Variants in CDADC1 observed in about 807,000 individuals in gnomAD.
CDADC1 encodes cytidine and dCMP deaminase domain containing 1, also known as dCTP deaminase.
A neutral mutation model predicts 54.9 loss-of-function variants in CDADC1; 39 were observed. The ratio of observed to expected loss-of-function variants is 0.71; its 90% confidence interval spans 0.55 to 0.93. CDADC1 has a LOEUF of 0.93. CDADC1 is among the 40% of genes least tolerant of loss of function. The probability of loss-of-function intolerance (pLI) is 0.00; values close to 1 mark genes in which losing one functional copy is unlikely to be tolerated. For missense variants in CDADC1, 518 were observed against 618.8 expected, an observed-to-expected ratio of 0.84 and a Z score of 1.73; for synonymous variants, 186 against 204.0, an observed-to-expected ratio of 0.91 and a Z score of 0.75.
intron 4 of CDADC1, among the ~76,000 whole-genome samples, chr13:49,264,967 C>A (rs1384676057): frequency 6.6e-6 from 1 of 152,144 alleles, no homozygotes; most frequent in African/African-American, 2.4e-5. Context: ...CAGTTACTGG[C>A]AGAACTGGTA....
In CDADC1 at chr13:49,291,602, C is replaced by T. The variant is rs976891646; in HGVS notation, c.1472-82C>T. 4 of 1,305,640 alleles carry T rather than the reference C, an allele frequency of 3.1e-6. No homozygotes were observed. The African/African-American group carries it at 4.5e-5, about 15-fold the overall frequency. 80.9% of individuals were successfully genotyped at this position (1,305,640 alleles called of 1,614,324 possible). ...TTCCTTTAACTTAAGCATTGTTTTG[C>T]TCTTACAACATGTAAGGCTGAAACA... On this transcript the variant is annotated intron_variant, in intron 9 of 9. Transcript: ENST00000251108.
intron 3 of CDADC1, among the ~76,000 whole-genome samples, chr13:49,257,992 T>C (rs545234118): frequency 2.0e-5 from 3 of 152,372 alleles, no homozygotes; most frequent in Admixed American, 6.5e-5. Context: ...GTTTTTCATA[T>C]TTTATATACA....
intron 2 of CDADC1, among the ~76,000 whole-genome samples, chr13:49,251,033 T>G (rs1338368843): frequency 6.6e-6 from 1 of 152,184 alleles, no homozygotes; most frequent in African/African-American, 2.4e-5. Context: ...TTATGTAGTG[T>G]TGTGTTTTTT....
At chr13:49,252,338 C>T (rs1952454650) in intron 2 of CDADC1, among the ~76,000 whole-genome samples, 1 of 152,192 alleles carries the variant, frequency 6.6e-6, no homozygotes, top group Non-Finnish European at 1.5e-5. Flanking sequence ...ATTACTCTGG[C>T]AGTGATCTGG....
chr13:49,276,367 G>C (rs1303066812), intron 6 of CDADC1, among the ~76,000 whole-genome samples: 1 of 152,180 alleles, frequency 6.6e-6, no homozygotes, highest in Non-Finnish European at 1.5e-5. Context: ...AATAAAAAGA[G>C]ATGAGGACTT....
At chr13:49,276,896 C>T (rs114915324) in intron 6 of CDADC1, among the ~76,000 whole-genome samples, 2 of 152,278 alleles carry the variant, frequency 1.3e-5, no homozygotes, top group Middle Eastern at 3.4e-3. Context: ...CATGAATGCT[C>T]AGCAGACTTT....
chr13:49,287,466 GTATCTATCTATCTATCTATCTATC>G (rs55902616), intron 9 of CDADC1, among the ~76,000 whole-genome samples: 1 of 145,988 alleles, frequency 6.8e-6, no homozygotes, highest in African/African-American at 2.5e-5. Context: ...AAAAAAGGCT[GTATCTATCTATCTATCTATCTATC>G]TATCTATCTA....
intron 2 of CDADC1, among the ~76,000 whole-genome samples, chr13:49,254,319 C>G (rs1952495073): frequency 6.6e-6 from 1 of 151,846 alleles, no homozygotes; most frequent in Non-Finnish European, 1.5e-5. Context: ...GCATCCAGCA[C>G]TTGTTTCATA....
intron 2 of CDADC1, among the ~76,000 whole-genome samples, chr13:49,253,695 C>T (rs771324729): frequency 4.6e-5 from 7 of 152,008 alleles, no homozygotes; most frequent in Non-Finnish European, 4.4e-5. Context: ...TTGTTGTCTC[C>T]TTATTTATTT....
intron 5 of CDADC1, among the ~76,000 whole-genome samples, chr13:49,270,807 C>A (rs1399631561): frequency 6.6e-6 from 1 of 152,196 alleles, no homozygotes; most frequent in Non-Finnish European, 1.5e-5. Context: ...GGAACACCTA[C>A]TATGTGTCAA....
intron 7 of CDADC1, among the ~76,000 whole-genome samples, chr13:49,279,012 C>T (rs1337396760): frequency 2.0e-5 from 3 of 152,210 alleles, no homozygotes; most frequent in Non-Finnish European, 4.4e-5. Flanking sequence ...TGTTCAGATA[C>T]GCAAATACTT....
At chr13:49,251,451 A>G (rs1309861421) in intron 2 of CDADC1, among the ~76,000 whole-genome samples, 1 of 152,140 alleles carries the variant, frequency 6.6e-6, no homozygotes, top group African/African-American at 2.4e-5. Context: ...TAGAGATTGA[A>G]TACAAATTTT....
intron 1 of CDADC1, 25 bp downstream of exon 1, chr13:49,248,144 G>T: frequency 6.5e-7 from 1 of 1,535,594 alleles, no homozygotes; most frequent in South Asian, 1.2e-5. Flanking sequence ...CCCTGCTCCC[G>T]CCACCCTACC....
chr13:49,260,489 C>G (rs765966900), intron 4 of CDADC1, among the ~76,000 whole-genome samples: 1 of 152,198 alleles, frequency 6.6e-6, no homozygotes, highest in Non-Finnish European at 1.5e-5. Flanking sequence ...CTGGAAGTCA[C>G]ATACATCATT....
At chr13:49,272,657 CTTT>C (rs1191602451) in intron 5 of CDADC1, among the ~76,000 whole-genome samples, 4 of 133,022 alleles carry the variant, frequency 3.0e-5, no homozygotes, top group Admixed American at 7.6e-5. Flanking sequence ...ATTTCTTTTT[CTTT>C]TTTTTTTTTT....
chr13:49,282,233 T>TG (rs200426055), intron 8 of CDADC1, among the ~76,000 whole-genome samples: 41,914 of 120,880 alleles, frequency 0.35, 8,410 homozygotes, highest in South Asian at 0.47. Context: ...CTGGTTTTTG[T>TG]GGGTTTTTTT....
At chr13:49,271,542 G>A (rs1285564576) in intron 5 of CDADC1, among the ~76,000 whole-genome samples, 3 of 151,864 alleles carry the variant, frequency 2.0e-5, no homozygotes, top group African/African-American at 7.3e-5. Context: ...AGATTCCTAA[G>A]CCTTGCCTGC....
chr13:49,255,558 C>T (rs1197102369), intron 2 of CDADC1, among the ~76,000 whole-genome samples: 1 of 152,170 alleles, frequency 6.6e-6, no homozygotes, highest in Non-Finnish European at 1.5e-5. Context: ...TCAAAACTGC[C>T]ACAATTCTGA....
intron 9 of CDADC1, among the ~76,000 whole-genome samples, chr13:49,288,994 T>C (rs941510966): frequency 6.6e-6 from 1 of 152,064 alleles, no homozygotes; most frequent in Admixed American, 6.6e-5. Context: ...TGAGATCAGG[T>C]CTGGGTCTGC....
Sources: gnomAD v4.1 joint callset for allele counts (sites outside exome capture counted in the v4.1 genomes callset) on GRCh38, gnomAD v4.1.1 for gene constraint, MANE v1.5 for transcripts, NCBI Gene and HGNC (gene_info 2026-07-23, HGNC 2026-07-21) for gene names.